Variants in ATXN7L3B observed in about 807,000 individuals in gnomAD.
ATXN7L3B encodes the protein ataxin-7-like protein 3B.
In ATXN7L3B, 4 loss-of-function variants were observed where a neutral mutation model predicts 6.3. That is an observed-to-expected ratio of 0.63 (90% confidence interval 0.31 to 1.45). The LOEUF (loss-of-function observed/expected upper bound fraction) is 1.45. ATXN7L3B is among the 40% of genes most tolerant of loss of function. The pLI, the probability that ATXN7L3B is intolerant of heterozygous loss-of-function variation, is 0.07. For synonymous variants in ATXN7L3B, 63 were observed against 48.0 expected (o/e 1.31, Z -1.29); for missense variants, 120 against 118.5 (o/e 1.01, Z -0.06).
Position 74,537,878 on chromosome 12 carries a change from G to A in ATXN7L3B, c.-235G>A. On this transcript the variant is annotated 5_prime_UTR_variant, in exon 1 of 1. Transcript: ENST00000519948. ...CTGAGACGGTTTGGCGGTGAGTCCT[G>A]GGCCAGGCGCAGCTGAAAGGCCCGC... is the stretch of plus-strand genomic sequence containing the variant. The A allele has an allele frequency of 1.8e-6, 1 of 544,716 alleles. No individual in the cohort carries two copies. Among genetic ancestry groups the A allele is most frequent in the Non-Finnish European group, 3.3e-6 (1 of 304,690 alleles). 33.7% of individuals were successfully genotyped at this position (544,716 alleles called of 1,614,324 possible).
rs1166613488 is a variant in ATXN7L3B, at chr12:74,544,997, T to A, written c.*6591T>A. 6.6e-6 allele frequency: 1 copy of A among 152,022 alleles called. No homozygotes were observed. The highest frequency in any genetic ancestry group is 1.9e-4 in the East Asian group (1 of 5,200). 9.4% of individuals were successfully genotyped at this position (152,022 alleles called of 1,614,324 possible). On this transcript the variant is annotated 3_prime_UTR_variant, in exon 1 of 1. Transcript: ENST00000519948. ...CCCTTAGGTTCAAAGAAATGCAAAC[T>A]AAAAACAAAATACCAATTTACCCTA...
At position 74,538,480 on chromosome 12, in the gene ATXN7L3B, G is replaced by C; in HGVS notation, c.*74G>C. On this transcript the variant is annotated 3_prime_UTR_variant, in exon 1 of 1. Transcript: ENST00000519948. ...CCTGTGGCTTCGAGGAGTAAGCTAA[G>C]TAGAAAAAAGTAGAAAAATCAGACA... 1 of 1,290,400 alleles carries C rather than the reference G, an allele frequency of 7.7e-7. No individual in the cohort carries two copies. The highest frequency in any genetic ancestry group is 1.1e-6 in the Non-Finnish European group (1 of 951,784). The allele number at this position is 1,290,400 out of a possible 1,614,324, so 79.9% of individuals were successfully genotyped here.
chr12:74,542,822 TAA>T lies in ATXN7L3B; in HGVS notation c.*4419_*4420del, dbSNP rs1868930996. On this transcript the variant is annotated 3_prime_UTR_variant, in exon 1 of 1. Coordinates refer to ENST00000519948, the MANE Select transcript of ATXN7L3B (RefSeq NM_001136262.2). ...TTGTGAAGTTTTTCTTACAATTTTT[TAA>T]AAGAGATTTATGAAGAAACTATGTG... is the stretch of plus-strand genomic sequence containing the variant. 1 of 152,164 alleles carries T rather than the reference TAA, an allele frequency of 6.6e-6. No individual in the cohort carries two copies. Among genetic ancestry groups the T allele is most frequent in the South Asian group, 2.1e-4 (1 of 4,836 alleles). The allele number at this position is 152,164 out of a possible 1,614,324, so 9.4% of individuals were successfully genotyped here.
chr12:74,543,538 T>G lies in ATXN7L3B; in HGVS notation c.*5132T>G, dbSNP rs1373347854. 6.6e-6 allele frequency: 1 copy of G among 152,042 alleles called. No homozygotes were observed. Among genetic ancestry groups the G allele is most frequent in the Non-Finnish European group, 1.5e-5 (1 of 67,930 alleles). The allele number at this position is 152,042 out of a possible 1,614,324, so 9.4% of individuals were successfully genotyped here. A position where few individuals can be genotyped will look rare whatever the true frequency, so the allele number is the denominator to read the frequency against. ...TTAAAACACCACACAATTAGAATTTTATAGAGAATACAGTAAATGAAACAA... is the reference window on the plus strand; with the variant it reads ...TTAAAACACCACACAATTAGAATTTGATAGAGAATACAGTAAATGAAACAA... On this transcript the variant is annotated 3_prime_UTR_variant, in exon 1 of 1. Transcript: ENST00000519948.
rs1435456259 is a variant in ATXN7L3B, at chr12:74,545,352, GATGTTTAACAATA to G, written c.*6947_*6959del. The G allele has an allele frequency of 2.6e-5, 4 of 152,126 alleles. No individual in the cohort carries two copies. The highest frequency in any genetic ancestry group is 4.4e-5 in the Non-Finnish European group (3 of 67,912). 9.4% of individuals were successfully genotyped at this position (152,126 alleles called of 1,614,324 possible). A position where few individuals can be genotyped will look rare whatever the true frequency, so the allele number is the denominator to read the frequency against. On this transcript the variant is annotated 3_prime_UTR_variant, in exon 1 of 1. Transcript: ENST00000519948. ...TCTTATACTTTGTTGCCTTTCTTTT[GATGTTTAACAATA>G]GGCAAATCAATGCTGTATGTTGTTT...
At position 74,538,013 on chromosome 12, in the gene ATXN7L3B, G is replaced by A. The variant is rs1038110888; in HGVS notation, c.-100G>A. 7 of 1,148,188 alleles carry A rather than the reference G, an allele frequency of 6.1e-6. No homozygotes were observed. The South Asian group carries it at 1.1e-4, about 18-fold the overall frequency. 71.1% of individuals were successfully genotyped at this position (1,148,188 alleles called of 1,614,324 possible). A position where few individuals can be genotyped will look rare whatever the true frequency, so the allele number is the denominator to read the frequency against. On this transcript the variant is annotated 5_prime_UTR_variant, in exon 1 of 1. Transcript: ENST00000519948. ...ACCGACCCCGCCGCCGGAGGACTGG[G>A]CACTGAAAGGCCTCTAGGCCTAGGC... is the stretch of plus-strand genomic sequence containing the variant.
rs1398826570 is a variant in ATXN7L3B at position 74,541,165 on chromosome 12, A to T, written c.*2759A>T. ...GTGTGTATGTGTGTGTTATGGGGGA[A>T]GGGGGGGGTTCTTTAAAATTTCTGT... On this transcript the variant is annotated 3_prime_UTR_variant, in exon 1 of 1. Transcript: ENST00000519948. 6.0e-6 allele frequency: 1 copy of T among 165,898 alleles called. No individual in the cohort carries two copies. The highest frequency in any genetic ancestry group is 1.5e-5 in the Non-Finnish European group (1 of 68,336). The allele number at this position is 165,898 out of a possible 1,614,324, so 10.3% of individuals were successfully genotyped here.
rs1355447086 is a variant in ATXN7L3B, at chr12:74,544,442, T to C, written c.*6036T>C. 1 of 152,040 alleles carries C rather than the reference T, an allele frequency of 6.6e-6. No homozygotes were observed. Among genetic ancestry groups the C allele is most frequent in the African/African-American group, 2.4e-5 (1 of 41,450 alleles). 9.4% of individuals were successfully genotyped at this position (152,040 alleles called of 1,614,324 possible). On this transcript the variant is annotated 3_prime_UTR_variant, in exon 1 of 1. Transcript: ENST00000519948. ...ATAGACAAGATCTTTTTGACAGATG[T>C]ATATTTTAGTTTTGGTGCAGAAACA...
At position 74,543,520 on chromosome 12, in the gene ATXN7L3B, A is replaced by G. The variant is rs1868948368; in HGVS notation, c.*5114A>G. 1 of 152,074 alleles carries G rather than the reference A, an allele frequency of 6.6e-6. No homozygotes were observed. Among genetic ancestry groups the G allele is most frequent in the Admixed American group, 6.5e-5 (1 of 15,274 alleles). The allele number at this position is 152,074 out of a possible 1,614,324, so 9.4% of individuals were successfully genotyped here. On this transcript the variant is annotated 3_prime_UTR_variant, in exon 1 of 1. Coordinates refer to ENST00000519948, the MANE Select transcript of ATXN7L3B (RefSeq NM_001136262.2). ...TGAATACATCTATAACTTTTAAAAC[A>G]CCACACAATTAGAATTTTATAGAGA... is the stretch of plus-strand genomic sequence containing the variant.
rs535196181 is a variant in ATXN7L3B at position 74,545,266 on chromosome 12, C to G, written c.*6860C>G. ...TATACCCATTTGGAATACATATAGT[C>G]ACTATACTGAAGTGAGAATAAATTA... On this transcript the variant is annotated 3_prime_UTR_variant, in exon 1 of 1. Transcript: ENST00000519948. 3.9e-5 allele frequency: 6 copies of G among 152,158 alleles called. No homozygotes were observed. Among genetic ancestry groups the G allele is most frequent in the African/African-American group, 1.2e-4 (5 of 41,560 alleles). 9.4% of individuals were successfully genotyped at this position (152,158 alleles called of 1,614,324 possible).
At position 74,538,081 on chromosome 12, in the gene ATXN7L3B, A is replaced by G. The variant is rs1436904388; in HGVS notation, c.-32A>G. 5.8e-6 allele frequency: 9 copies of G among 1,543,210 alleles called. No individual in the cohort carries two copies. The highest frequency in any genetic ancestry group is 1.2e-5 in the South Asian group (1 of 83,362). On this transcript the variant is annotated 5_prime_UTR_variant, in exon 1 of 1. Coordinates refer to ENST00000519948, the MANE Select transcript of ATXN7L3B (RefSeq NM_001136262.2). ...ACGTGTTGCTGCCGTGAGTAAAACG[A>G]GCGCCCTCTCCGCACTCGTTTACAA... is the stretch of plus-strand genomic sequence containing the variant.
rs553348936 is a variant in ATXN7L3B at position 74,541,660 on chromosome 12, C to G, written c.*3254C>G. ...GTAGCATCCAGTGAAAGAGCCAAAC[C>G]GTATACAATCATCCCTTTTCCATAT... is the stretch of plus-strand genomic sequence containing the variant. On this transcript the variant is annotated 3_prime_UTR_variant, in exon 1 of 1. Coordinates refer to ENST00000519948, the MANE Select transcript of ATXN7L3B (RefSeq NM_001136262.2). The G allele has an allele frequency of 6.6e-6, 1 of 152,102 alleles. No individual in the cohort carries two copies. The highest frequency in any genetic ancestry group is 6.5e-5 in the Admixed American group (1 of 15,284). The allele number at this position is 152,102 out of a possible 1,614,324, so 9.4% of individuals were successfully genotyped here.
In ATXN7L3B at chr12:74,541,136, GTGTGTGTGTA is replaced by G. The variant is rs1868885031; in HGVS notation, c.*2740_*2749del. On this transcript the variant is annotated 3_prime_UTR_variant, in exon 1 of 1. Coordinates refer to ENST00000519948, the MANE Select transcript of ATXN7L3B (RefSeq NM_001136262.2). ...AATCCTATTATGTATCTGAGTGTGT[GTGTGTGTGTA>G]TGTGTGTGTTATGGGGGAAGGGGGG... The G allele has an allele frequency of 1.5e-5, 2 of 135,208 alleles. No individual in the cohort carries two copies. The highest frequency in any genetic ancestry group is 3.2e-5 in the Non-Finnish European group (2 of 63,222). The allele number at this position is 135,208 out of a possible 1,614,324, so 8.4% of individuals were successfully genotyped here.
rs1054132217 is a variant in ATXN7L3B at position 74,538,697 on chromosome 12, C to T, written c.*291C>T. 1 of 415,618 alleles carries T rather than the reference C, an allele frequency of 2.4e-6. No homozygotes were observed. Among genetic ancestry groups the T allele is most frequent in the South Asian group, 2.7e-5 (1 of 36,618 alleles). The allele number at this position is 415,618 out of a possible 1,614,324, so 25.7% of individuals were successfully genotyped here. On this transcript the variant is annotated 3_prime_UTR_variant, in exon 1 of 1. Coordinates refer to ENST00000519948, the MANE Select transcript of ATXN7L3B (RefSeq NM_001136262.2). ...AGGATGTGCGCAAGATCCTGTAGTG[C>T]CCCCAGTGCACAGGTGAGCAGTTGT...
At position 74,543,090 on chromosome 12, in the gene ATXN7L3B, T is replaced by A. The variant is rs551871723; in HGVS notation, c.*4684T>A. On this transcript the variant is annotated 3_prime_UTR_variant, in exon 1 of 1. Transcript: ENST00000519948. Reference sequence around the variant, plus strand: ...AAGGTTTTGTGGATAAACCTTAAACTCTTGGCGGTGTTTTTGTTTGTATTT... The same window carrying A: ...AAGGTTTTGTGGATAAACCTTAAACACTTGGCGGTGTTTTTGTTTGTATTT... 6.6e-5 allele frequency: 10 copies of A among 152,264 alleles called. No individual in the cohort carries two copies. In the East Asian group the frequency reaches 1.5e-3, roughly 24 times the overall value. The allele number at this position is 152,264 out of a possible 1,614,324, so 9.4% of individuals were successfully genotyped here.
Position 74,538,060 on chromosome 12 carries a change from G to C in ATXN7L3B, c.-53G>C. 6.6e-7 allele frequency: 1 copy of C among 1,521,638 alleles called. No homozygotes were observed. The highest frequency in any genetic ancestry group is 2.0e-5 in the Admixed American group (1 of 49,906). 94.3% of individuals were successfully genotyped at this position (1,521,638 alleles called of 1,614,324 possible). On this transcript the variant is annotated 5_prime_UTR_variant, in exon 1 of 1. Coordinates refer to ENST00000519948, the MANE Select transcript of ATXN7L3B (RefSeq NM_001136262.2). ...AGGCGCGGCCCGCGGAGCCAGACGT[G>C]TTGCTGCCGTGAGTAAAACGAGCGC...
Position 74,544,348 on chromosome 12 carries a change from A to G in ATXN7L3B, c.*5942A>G, listed in dbSNP as rs1868971771. ...TGAATCGGAAGCAATCTGTATTACA[A>G]TCCAAATAGATGTGCTCATGGAACT... On this transcript the variant is annotated 3_prime_UTR_variant, in exon 1 of 1. Coordinates refer to ENST00000519948, the MANE Select transcript of ATXN7L3B (RefSeq NM_001136262.2). The G allele has an allele frequency of 6.6e-6, 1 of 152,024 alleles. No homozygotes were observed. Among genetic ancestry groups the G allele is most frequent in the South Asian group, 2.1e-4 (1 of 4,838 alleles). 9.4% of individuals were successfully genotyped at this position (152,024 alleles called of 1,614,324 possible). A position where few individuals can be genotyped will look rare whatever the true frequency, so the allele number is the denominator to read the frequency against.
Position 74,539,433 on chromosome 12 carries a change from C to A in ATXN7L3B, c.*1027C>A, listed in dbSNP as rs981282512. On this transcript the variant is annotated 3_prime_UTR_variant, in exon 1 of 1. Coordinates refer to ENST00000519948, the MANE Select transcript of ATXN7L3B (RefSeq NM_001136262.2). ...GGAGGCTGTGGTTTGAAAACTGAGC[C>A]CAGAGGGCACTTTCAGCTGCCCTCA... 1.2e-5 allele frequency: 2 copies of A among 167,220 alleles called. No homozygotes were observed. The highest frequency in any genetic ancestry group is 2.4e-5 in the African/African-American group (1 of 41,414). 10.4% of individuals were successfully genotyped at this position (167,220 alleles called of 1,614,324 possible). A position where few individuals can be genotyped will look rare whatever the true frequency, so the allele number is the denominator to read the frequency against.
rs1868989649 is a variant in ATXN7L3B at position 74,545,084 on chromosome 12, A to G, written c.*6678A>G. ...TCAACTCTGAAAGGCATATGGAGCA[A>G]TTAAAACACTTAAACTGCTAGTAGG... On this transcript the variant is annotated 3_prime_UTR_variant, in exon 1 of 1. Transcript: ENST00000519948. 1 of 152,076 alleles carries G rather than the reference A, an allele frequency of 6.6e-6. No individual in the cohort carries two copies. Among genetic ancestry groups the G allele is most frequent in the Admixed American group, 6.6e-5 (1 of 15,266 alleles). 9.4% of individuals were successfully genotyped at this position (152,076 alleles called of 1,614,324 possible).
Sources: allele counts gnomAD v4.1 joint callset, GRCh38; gene constraint gnomAD v4.1.1; transcripts MANE v1.5; gene names NCBI Gene and HGNC (gene_info 2026-07-23, HGNC 2026-07-21).